The following BZW1 variants were observed in gnomAD, a reference collection of about 807,000 sequenced individuals.
BZW1 encodes eIF5-mimic protein 2.
Under a neutral mutation model 54.1 loss-of-function variants are expected in BZW1, and 3 were observed. The ratio of observed to expected loss-of-function variants is 0.06; its 90% CI spans 0.03 to 0.14. The LOEUF (loss-of-function observed/expected upper bound fraction) is 0.14, where lower values mean the gene tolerates loss of function less well. Among genes scored for constraint, BZW1 ranks in the 10% least tolerant of loss-of-function variants. The pLI, the probability that BZW1 is intolerant of heterozygous loss-of-function variation, is 1.00. For synonymous variants in BZW1, 152 were observed against 162.7 expected, an observed-to-expected ratio of 0.93 and a Z score of 0.50; for missense variants, 206 against 491.7, an observed-to-expected ratio of 0.42 and a Z score of 5.50.
intron 9 of BZW1, among the ~76,000 whole-genome samples, chr2:200,819,602 C>T (rs529261678): frequency 1.3e-5 from 2 of 151,064 alleles, no homozygotes. Context: ...ACTCTGTCAC[C>T]CAGGCTGGAG....
intron 6 of BZW1, 34 bp from the exon 7 acceptor site, chr2:200,817,940 G>A (rs1201752522): frequency 2.7e-5 from 38 of 1,420,296 alleles, no homozygotes; most frequent in Middle Eastern, 2.4e-4. Flanking sequence ...ACCAGGGAAG[G>A]TACTTCTGTT....
chr2:200,812,441 G>T (rs1399479600), intron 1 of BZW1: 3 of 1,302,378 alleles, frequency 2.3e-6, no homozygotes, highest in Non-Finnish European at 2.9e-6. Context: ...GGCGCAAAGC[G>T]CCTCAGTGAC....
At chr2:200,818,573 C>A (rs1193629389) in intron 8 of BZW1, among the ~76,000 whole-genome samples, 180 bp downstream of exon 8, 1 of 152,158 alleles carries the variant, frequency 6.6e-6, no homozygotes, top group Non-Finnish European at 1.5e-5. Flanking sequence ...CCCAGAAATA[C>A]AAGAGACTGG....
chr2:200,817,446 C>T (rs1559312014), intron 6 of BZW1, among the ~76,000 whole-genome samples: 1 of 152,076 alleles, frequency 6.6e-6, no homozygotes, highest in Non-Finnish European at 1.5e-5. Context: ...ACAACAGATA[C>T]CCAGATTTAG....
At position 200,821,344 on chromosome 2, in the gene BZW1, A is replaced by T; in HGVS notation, c.1228+39A>T. 1.2e-6 allele frequency: 2 copies of T among 1,608,424 alleles called. 1 individual carries two copies. The highest frequency in any genetic ancestry group is 2.2e-5 in the South Asian group (2 of 90,708). On this transcript the variant is annotated intron_variant, in intron 11 of 11. Transcript: ENST00000409600. ...TTTGTGTGGTTTGTTTGGTAAAGCTAATTTTAATGTGGCCATAATATATCT... is the reference window on the plus strand; with the variant it reads ...TTTGTGTGGTTTGTTTGGTAAAGCTTATTTTAATGTGGCCATAATATATCT...
rs374592876 is a variant in BZW1 at position 200,826,407 on chromosome 2, A to ATTTTTTTT, written c.*4257_*4264dup. The ATTTTTTTT allele has an allele frequency of 1.8e-5, 1 of 54,946 alleles. No individual in the cohort carries two copies. Among genetic ancestry groups the ATTTTTTTT allele is most frequent in the African/African-American group, 8.5e-5 (1 of 11,774 alleles). The allele number at this position is 54,946 out of a possible 1,614,324, so 3.4% of individuals were successfully genotyped here. On this transcript the variant is annotated 3_prime_UTR_variant, in exon 12 of 12. Coordinates refer to ENST00000409600, the MANE Select transcript of BZW1 (RefSeq NM_001207067.2). Reference sequence around the variant, plus strand: ...TAGATAGATAGATAGATAGATAGATATTTTTTTTTTTTTTTTTTTTTTTTT... The same window carrying ATTTTTTTT: ...TAGATAGATAGATAGATAGATAGATATTTTTTTTTTTTTTTTTTTTTTTTTTTTTTTTT...
At chr2:200,820,259 G>A in intron 10 of BZW1, 139 bp downstream of exon 10, 1 of 769,918 alleles carries the variant, frequency 1.3e-6, no homozygotes, top group South Asian at 2.2e-5. Flanking sequence ...TGATTAAATT[G>A]GGTGCTTTTT....
chr2:200,815,903 G>A (rs1325578292), intron 4 of BZW1, 142 bp downstream of exon 4: 26 of 798,012 alleles, frequency 3.3e-5, no homozygotes, highest in African/African-American at 2.7e-4. Flanking sequence ...TTGGTGCAAC[G>A]GGATGAATTA....
rs1338871421 is a variant in BZW1 at position 200,818,245 on chromosome 2, AAAGTGTT to A, written c.672_678del (p.Ser225AsnfsTer12). Reference sequence around the variant, plus strand: ...TAGGAACTCTTTCCTGCCAATAAGCAAAGTGTTGAACACTTCACAAAATATTTTACTG... The same window carrying A: ...TAGGAACTCTTTCCTGCCAATAAGCAGAACACTTCACAAAATATTTTACTG... On this transcript the variant is annotated frameshift_variant, in exon 8 of 12. Coordinates refer to ENST00000409600, the MANE Select transcript of BZW1 (RefSeq NM_001207067.2). LOFTEE classifies it high-confidence loss of function. The A allele has an allele frequency of 1.3e-6, 2 of 1,586,526 alleles. No individual in the cohort carries two copies. The highest frequency in any genetic ancestry group is 1.7e-6 in the Non-Finnish European group (2 of 1,168,510).
At chr2:200,819,788 G>A (rs776980965) in intron 9 of BZW1, among the ~76,000 whole-genome samples, 194 bp from the exon 10 acceptor site, 4 of 151,978 alleles carry the variant, frequency 2.6e-5, no homozygotes, top group East Asian at 1.9e-4. Flanking sequence ...CACCCGCCTC[G>A]GCCTCCCAAA....
chr2:200,817,137 C>T lies in BZW1; in HGVS notation c.434C>T (p.Ser145Leu). 2 of 1,613,798 alleles carry T rather than the reference C, an allele frequency of 1.2e-6. No homozygotes were observed. Among genetic ancestry groups the T allele is most frequent in the Non-Finnish European group, 8.5e-7 (1 of 1,179,854 alleles). ...LLLFLKGFSE[S>L]ERNKLAMLTG... ...CTGTTCTTGAAGGGTTTTTCAGAGT[C>T]GGAGAGGAACAAGCTAGCTATGTTG... Residue 145 changes from serine to leucine, a missense_variant, in exon 6 of 12, where the codon TCG becomes TTG. Ser to Leu is a moderately radical substitution (Grantham distance 145). Around this residue, in one of 5 missense-constraint regions of BZW1, gnomAD observed 81 missense variants for 257.1 expected, o/e 0.32. Transcript: ENST00000409600.
chr2:200,816,383 T>TA lies in BZW1; in HGVS notation c.401dup (p.Leu135AlafsTer26). ...CTGGAGAAAGGTTTTGAAGATGAAG[T>TA]AAAAAAGGTATGAGTAATAATGTAC... On this transcript the variant is annotated frameshift_variant, in exon 5 of 12. Coordinates refer to ENST00000409600, the MANE Select transcript of BZW1 (RefSeq NM_001207067.2). LOFTEE classifies it high-confidence loss of function. 6.3e-7 allele frequency: 1 copy of TA among 1,581,424 alleles called. No individual in the cohort carries two copies. Among genetic ancestry groups the TA allele is most frequent in the Non-Finnish European group, 8.6e-7 (1 of 1,156,168 alleles).
At chr2:200,820,526 A>T (rs756908615) in intron 10 of BZW1, among the ~76,000 whole-genome samples, 70 of 152,124 alleles carry the variant, frequency 4.6e-4, no homozygotes, top group Non-Finnish European at 8.5e-4. Context: ...CAAAAAAAAT[A>T]AAAAATTAGG....
chr2:200,816,528 T>G lies in BZW1; in HGVS notation c.402+138T>G, dbSNP rs2038298020. On this transcript the variant is annotated intron_variant, in intron 5 of 11. Coordinates refer to ENST00000409600, the MANE Select transcript of BZW1 (RefSeq NM_001207067.2). ...TTTTTTGAGACAGAGCCTCACTCTG[T>G]GTCCCAGGCTGGGGGTGCAGTGGCT... 1.1e-5 allele frequency: 6 copies of G among 522,906 alleles called. No individual in the cohort carries two copies. The South Asian group carries it at 2.0e-4, about 17-fold the overall frequency. The allele number at this position is 522,906 out of a possible 1,614,324, so 32.4% of individuals were successfully genotyped here. A position where few individuals can be genotyped will look rare whatever the true frequency, so the allele number is the denominator to read the frequency against.
At chr2:200,817,733 T>TG (rs945258199) in intron 6 of BZW1, among the ~76,000 whole-genome samples, 3 of 152,196 alleles carry the variant, frequency 2.0e-5, no homozygotes, top group Non-Finnish European at 4.4e-5. Context: ...TAGAGACTGT[T>TG]GCCCTCAATT....
Position 200,823,801 on chromosome 2 carries a change from CTT to C in BZW1, c.*1630_*1631del, listed in dbSNP as rs1176214368. ...TTTGTAATTTGTAGTTCTCAAAAGA[CTT>C]TTTTTTAAAAAAATAAAGTCCATAC... On this transcript the variant is annotated 3_prime_UTR_variant, in exon 12 of 12. Transcript: ENST00000409600. 2 of 150,532 alleles carry C rather than the reference CTT, an allele frequency of 1.3e-5. No homozygotes were observed. Among genetic ancestry groups the C allele is most frequent in the East Asian group, 3.9e-4 (2 of 5,172 alleles). 9.3% of individuals were successfully genotyped at this position (150,532 alleles called of 1,614,324 possible).
At chr2:200,813,411 G>T in intron 2 of BZW1, 130 bp downstream of exon 2, 1 of 763,720 alleles carries the variant, frequency 1.3e-6, no homozygotes, top group Non-Finnish European at 2.1e-6. Context: ...TGAATTTCTC[G>T]TTGACTGCCA....
chr2:200,821,142 G>A (rs2038493058), intron 10 of BZW1, 41 bp from the exon 11 acceptor site: 1 of 1,606,790 alleles, frequency 6.2e-7, no homozygotes, highest in Non-Finnish European at 8.5e-7. Flanking sequence ...GCTGAGTAGA[G>A]TATATTAAAA....
In BZW1 at chr2:200,823,669, G is replaced by C. The variant is rs1412963837; in HGVS notation, c.*1491G>C. On this transcript the variant is annotated 3_prime_UTR_variant, in exon 12 of 12. Transcript: ENST00000409600. ...TAACCTTAAAAAGAACATTATAACTGATTGTTGTGAATGGGGTGAATTTGT... is the reference window on the plus strand; with the variant it reads ...TAACCTTAAAAAGAACATTATAACTCATTGTTGTGAATGGGGTGAATTTGT... The C allele has an allele frequency of 6.6e-6, 1 of 152,360 alleles. No individual in the cohort carries two copies. Among genetic ancestry groups the C allele is most frequent in the East Asian group, 1.9e-4 (1 of 5,188 alleles). 9.4% of individuals were successfully genotyped at this position (152,360 alleles called of 1,614,324 possible). A position where few individuals can be genotyped will look rare whatever the true frequency, so the allele number is the denominator to read the frequency against.
Sources: allele counts gnomAD v4.1 joint callset (sites outside exome capture counted in the v4.1 genomes callset), GRCh38; gene constraint gnomAD v4.1.1; regional missense constraint gnomAD v4.1.1; transcripts MANE v1.5; gene names NCBI Gene and HGNC (gene_info 2026-07-23, HGNC 2026-07-21).